Variants in MCUB observed in about 807,000 individuals in gnomAD.
MCUB encodes the protein mitochondrial calcium uniporter dominant negative subunit beta.
In MCUB, 46 loss-of-function variants were observed where a neutral mutation model predicts 41.4. That is an observed-to-expected ratio of 1.11 (90% confidence interval 0.88 to 1.42). The LOEUF is 1.42. Among genes scored for constraint, MCUB ranks in the 40% most tolerant of loss-of-function variants. MCUB has a pLI of 0.00. For missense variants in MCUB, 403 were observed against 404.9 expected (o/e 1.00, Z 0.04); for synonymous variants, 148 against 148.2 (o/e 1.00, Z 0.01).
chr4:109,605,016 A>G (rs750747259), intron 1 of MCUB, among the ~76,000 whole-genome samples: 1 of 152,228 alleles, frequency 6.6e-6, no homozygotes, highest in African/African-American at 2.4e-5. Flanking sequence ...TTTTGGTATC[A>G]GGGTAATACC....
rs181184707 is a variant in MCUB at position 109,612,993 on chromosome 4, C to T, written c.100-46018C>T. 5.2e-3 allele frequency among the ~76,000 whole-genome samples: 790 copies of T among 152,192 alleles called. 10 individuals carry two copies. The highest frequency in any genetic ancestry group is 6.1e-3 in the Non-Finnish European group (413 of 68,030). On this transcript the variant is annotated intron_variant, in intron 1 of 7. Transcript: ENST00000394650. ...TGGTGGCGGGCGTCTGTAGTCCCAG[C>T]TACTCGCGAGGCTGAAGCAGGAGAA...
At chr4:109,589,319 G>T (rs559741621) in intron 1 of MCUB, among the ~76,000 whole-genome samples, 2 of 152,040 alleles carry the variant, frequency 1.3e-5, no homozygotes, top group African/African-American at 4.8e-5. Context: ...GCTTGGTTTA[G>T]CTCATCATCT....
intron 1 of MCUB, among the ~76,000 whole-genome samples, chr4:109,642,065 A>G (rs754010056): frequency 2.0e-4 from 31 of 152,328 alleles, no homozygotes; most frequent in South Asian, 4.1e-4. Context: ...AATTGTATTG[A>G]TTTCACAAAA....
chr4:109,615,888 G>T (rs1331970919), intron 1 of MCUB, among the ~76,000 whole-genome samples: 6 of 152,188 alleles, frequency 3.9e-5, no homozygotes, highest in Non-Finnish European at 8.8e-5. Flanking sequence ...AGGGAGAGGG[G>T]ACTCTTGAGC....
At chr4:109,646,419 TTC>T (rs775193371) in intron 1 of MCUB, among the ~76,000 whole-genome samples, 1 of 152,192 alleles carries the variant, frequency 6.6e-6, no homozygotes, top group Non-Finnish European at 1.5e-5. Flanking sequence ...TTTTATTTGC[TTC>T]TCTCCATTTT....
Position 109,560,428 on chromosome 4 carries a change from C to T in MCUB, c.91C>T (p.Pro31Ser). 7.7e-7 allele frequency: 1 copy of T among 1,291,032 alleles called. No individual in the cohort carries two copies. The highest frequency in any genetic ancestry group is 9.8e-7 in the Non-Finnish European group (1 of 1,019,580). The allele number at this position is 1,291,032 out of a possible 1,614,324, so 80.0% of individuals were successfully genotyped here. The change falls in exon 1 of 8, where the codon CCG (proline) becomes TCG (serine). Residue 31 changes from proline to serine, a missense_variant. Pro to Ser is a moderately conservative substitution (Grantham distance 74). Coordinates refer to ENST00000394650, the MANE Select transcript of MCUB (RefSeq NM_017918.5). ...AGCGCGCCCGTGGCCGCTGCCGCCT[C>T]CGCCCCAGGTAAGAGCGGGTGCCGG... ...RPARPWPLPP[P>S]PQVLRVKLCG...
At chr4:109,610,663 T>G (rs1188996226) in intron 1 of MCUB, among the ~76,000 whole-genome samples, 1 of 152,160 alleles carries the variant, frequency 6.6e-6, no homozygotes, top group Non-Finnish European at 1.5e-5. Context: ...AGGGATACAT[T>G]CTGAGAAGTG....
intron 4 of MCUB, among the ~76,000 whole-genome samples, chr4:109,680,314 C>T (rs1729687912): frequency 6.6e-6 from 1 of 152,150 alleles, no homozygotes; most frequent in Admixed American, 6.5e-5. Context: ...GTAACATTAA[C>T]CAACTATCCA....
intron 5 of MCUB, 39 bp downstream of exon 5, chr4:109,682,781 A>C: frequency 2.6e-6 from 4 of 1,511,748 alleles, no homozygotes; most frequent in Non-Finnish European, 3.6e-6. Flanking sequence ...TGAAAATAAT[A>C]CCTAGTGTTT....
intron 1 of MCUB, among the ~76,000 whole-genome samples, chr4:109,588,924 G>A (rs7694402): frequency 0.19 from 28,927 of 151,898 alleles, 3,842 homozygotes; most frequent in African/African-American, 0.37. Flanking sequence ...ATACAACCTG[G>A]TAAACCATTT....
rs74613691 is a variant in MCUB, at chr4:109,661,047, C to T, written c.346+682C>T. Reference sequence around the variant, plus strand: ...AATAAGCCAGTGAATAATTAAAGTACACAAAAAATTTGTTCACCACTGTTA... The same window carrying T: ...AATAAGCCAGTGAATAATTAAAGTATACAAAAAATTTGTTCACCACTGTTA... On this transcript the variant is annotated intron_variant, in intron 3 of 7. Coordinates refer to ENST00000394650, the MANE Select transcript of MCUB (RefSeq NM_017918.5). Among the ~76,000 whole-genome samples the T allele has an allele frequency of 7.2e-3, 1,098 of 152,194 alleles. 12 individuals carry two copies. The highest frequency in any genetic ancestry group is 0.025 in the African/African-American group (1,039 of 41,532).
rs1344456072 is a variant in MCUB, at chr4:109,660,177, T to G, written c.176-18T>G. On this transcript the variant is annotated intron_variant, in intron 2 of 7. Coordinates refer to ENST00000394650, the MANE Select transcript of MCUB (RefSeq NM_017918.5). Reference sequence around the variant, plus strand: ...AAAGTAAAATTTACTCATTTTTTTTTCTTTTTTTCCTTAACAGAAATAACA... The same window carrying G: ...AAAGTAAAATTTACTCATTTTTTTTGCTTTTTTTCCTTAACAGAAATAACA... 7.8e-7 allele frequency: 1 copy of G among 1,289,258 alleles called. No individual in the cohort carries two copies. The highest frequency in any genetic ancestry group is 1.9e-4 in the Middle Eastern group (1 of 5,296). The allele number at this position is 1,289,258 out of a possible 1,614,324, so 79.9% of individuals were successfully genotyped here.
chr4:109,661,452 T>G (rs930394806), intron 3 of MCUB, among the ~76,000 whole-genome samples: 3 of 152,176 alleles, frequency 2.0e-5, no homozygotes, highest in Non-Finnish European at 4.4e-5. Context: ...AAATGGAGAT[T>G]AATTGATTCA....
chr4:109,684,463 T>A lies in MCUB; in HGVS notation c.633T>A (p.Ala211=). 1 of 1,612,092 alleles carries A rather than the reference T, an allele frequency of 6.2e-7. No individual in the cohort carries two copies. The highest frequency in any genetic ancestry group is 8.5e-7 in the Non-Finnish European group (1 of 1,179,228). The change falls in exon 6 of 8, where the codon GCT becomes GCA. Residue 211 remains alanine, a synonymous_variant. Coordinates refer to ENST00000394650, the MANE Select transcript of MCUB (RefSeq NM_017918.5). ...CTCAGGTGAAAGCTGGAATAGAAGCTCATTCGGAAGCCAAAACCAGTGGAC... is the reference window on the plus strand; with the variant it reads ...CTCAGGTGAAAGCTGGAATAGAAGCACATTCGGAAGCCAAAACCAGTGGAC... ...PLEQVKAGIE[A]HSEAKTSGLL...
intron 4 of MCUB, among the ~76,000 whole-genome samples, chr4:109,674,920 G>T (rs1374230242): frequency 6.6e-6 from 1 of 152,120 alleles, no homozygotes; most frequent in Non-Finnish European, 1.5e-5. Flanking sequence ...TACCTATAAC[G>T]GATTTGATTA....
chr4:109,571,345 C>T (rs1385652488), intron 1 of MCUB, among the ~76,000 whole-genome samples: 1 of 152,124 alleles, frequency 6.6e-6, no homozygotes, highest in East Asian at 1.9e-4. Flanking sequence ...CTGAGTCTCA[C>T]TCTGTCACCC....
At chr4:109,579,353 G>T (rs200889324) in intron 1 of MCUB, among the ~76,000 whole-genome samples, 1 of 151,974 alleles carries the variant, frequency 6.6e-6, no homozygotes, top group East Asian at 1.9e-4. Context: ...GGGTTCAAGC[G>T]ATTCTCCTGC....
At chr4:109,680,778 T>C (rs140929574) in intron 4 of MCUB, among the ~76,000 whole-genome samples, 1 of 152,192 alleles carries the variant, frequency 6.6e-6, no homozygotes, top group African/African-American at 2.4e-5. Flanking sequence ...TCTAGACATA[T>C]GTCTCTCTTG....
At chr4:109,570,078 C>T (rs1218638611) in intron 1 of MCUB, among the ~76,000 whole-genome samples, 4 of 152,198 alleles carry the variant, frequency 2.6e-5, no homozygotes, top group Non-Finnish European at 5.9e-5. Context: ...CCATCTTTGA[C>T]ATCACTACTT....
Sources: gnomAD v4.1 joint callset for allele counts (sites outside exome capture counted in the v4.1 genomes callset) on GRCh38, gnomAD v4.1.1 for gene constraint, MANE v1.5 for transcripts, NCBI Gene and HGNC (gene_info 2026-07-23, HGNC 2026-07-21) for gene names.